GUCY2F: variants seen among roughly 807,000 people sequenced by gnomAD.
GUCY2F encodes guanylate cyclase 2F, retinal.
Under a neutral mutation model 73.1 loss-of-function variants are expected in GUCY2F, and 61 were observed. The ratio of observed to expected loss-of-function variants is 0.83; its 90% CI spans 0.68 to 1.03. The LOEUF (loss-of-function observed/expected upper bound fraction) is 1.03. Among genes scored for constraint, GUCY2F ranks in the 50% least tolerant of loss-of-function variants. The pLI, the probability that GUCY2F is intolerant of heterozygous loss-of-function variation, is 0.00. For missense variants in GUCY2F, 912 were observed against 854.3 expected, an observed-to-expected ratio of 1.07 and a Z score of -0.84; for synonymous variants, 331 against 307.8, an observed-to-expected ratio of 1.08 and a Z score of -0.79.
rs139586665 is a variant in GUCY2F at position 109,430,378 on chromosome X, T to G, written c.1720A>C (p.Lys574Gln). 233 of 1,103,476 alleles carry G rather than the reference T, an allele frequency of 2.1e-4. No homozygotes were observed. Among genetic ancestry groups the G allele is most frequent in the Non-Finnish European group, 2.8e-4 (224 of 797,771 alleles). 90.9% of individuals were successfully genotyped at this position (1,103,476 alleles called of 1,213,427 possible). A position where few individuals can be genotyped will look rare whatever the true frequency, so the allele number is the denominator to read the frequency against. Reference sequence around the variant, plus strand: ...CCAAAATCTCCAAGGGAGAACTTTTTCAGCCACACCCAATCACCCTAGAAA... The same window carrying G: ...CCAAAATCTCCAAGGGAGAACTTTTGCAGCCACACCCAATCACCCTAGAAA... ...AIYEGDWVWLKKFSLGDFGDL... is the reference protein window; with the variant it reads ...AIYEGDWVWLQKFSLGDFGDL... The change falls in exon 8 of 20, where the codon AAA (lysine) becomes CAA (glutamine). Residue 574 changes from lysine to glutamine, a missense_variant. Coordinates refer to ENST00000218006, the MANE Select transcript of GUCY2F (RefSeq NM_001522.3).
chrX:109,389,003 T>C (rs1290332997), intron 14 of GUCY2F, among the ~76,000 whole-genome samples: 3 of 111,840 alleles, frequency 2.7e-5, no homozygotes, highest in African/African-American at 9.8e-5. Flanking sequence ...TGGGGGAGCA[T>C]CTTAGGAGAA....
intron 3 of GUCY2F, among the ~76,000 whole-genome samples, chrX:109,456,783 T>C (rs1932268830): frequency 8.9e-6 from 1 of 111,930 alleles, no homozygotes; most frequent in Admixed American, 9.4e-5. Flanking sequence ...CTGTAGTTGG[T>C]TTGAGTTCCT....
intron 2 of GUCY2F, among the ~76,000 whole-genome samples, chrX:109,467,233 T>C (rs906742690): frequency 5.4e-5 from 6 of 112,137 alleles, no homozygotes; most frequent in African/African-American, 1.9e-4. Context: ...GACCTCTCAC[T>C]CTCTACATTT....
Position 109,398,532 on chromosome X carries a change from T to C in GUCY2F, c.2275+17A>G. 6 of 1,201,261 alleles carry C rather than the reference T, an allele frequency of 5.0e-6. No individual in the cohort carries two copies. The highest frequency in any genetic ancestry group is 5.6e-6 in the Non-Finnish European group (5 of 888,784). ...TCATGGTGGACCCCTGGGGCCCTTT[T>C]CTCACCTCCCGCTTACCTTGAGCTG... On this transcript the variant is annotated intron_variant, in intron 11 of 19. Transcript: ENST00000218006.
At chrX:109,433,256 C>A (rs751029418) in intron 7 of GUCY2F, among the ~76,000 whole-genome samples, 6 of 112,087 alleles carry the variant, frequency 5.4e-5, no homozygotes, top group African/African-American at 1.9e-4. Context: ...TTAAGTGCCA[C>A]GAGCAGCTAA....
Position 109,398,716 on chromosome X carries a change from T to G in GUCY2F, c.2126-18A>C. On this transcript the variant is annotated intron_variant, in intron 10 of 19. Transcript: ENST00000218006. Reference sequence around the variant, plus strand: ...CAGCAGCTCTAAAAAGAAAGCATTGTGTAATGAATGCAGGGAGGATTAACT... The same window carrying G: ...CAGCAGCTCTAAAAAGAAAGCATTGGGTAATGAATGCAGGGAGGATTAACT... 1 of 1,196,850 alleles carries G rather than the reference T, an allele frequency of 8.4e-7. No individual in the cohort carries two copies. The highest frequency in any genetic ancestry group is 1.1e-6 in the Non-Finnish European group (1 of 883,274).
At chrX:109,383,255 C>G (rs1406384142) in intron 16 of GUCY2F, 1 of 155,388 alleles carries the variant, frequency 6.4e-6, no homozygotes, top group East Asian at 2.6e-4. Flanking sequence ...ATATTCCTAG[C>G]CAGTCCTATG....
Position 109,398,727 on chromosome X carries a change from C to A in GUCY2F, c.2126-29G>T, listed in dbSNP as rs6643438. On this transcript the variant is annotated intron_variant, in intron 10 of 19. Coordinates refer to ENST00000218006, the MANE Select transcript of GUCY2F (RefSeq NM_001522.3). Reference sequence around the variant, plus strand: ...AAAAGAAAGCATTGTGTAATGAATGCAGGGAGGATTAACTGACAATATCTG... The same window carrying A: ...AAAAGAAAGCATTGTGTAATGAATGAAGGGAGGATTAACTGACAATATCTG... The A allele has an allele frequency of 4.9e-4, 580 of 1,178,786 alleles. 5 individuals carry two copies. The African/African-American group carries it at 8.7e-3, about 18-fold the overall frequency.
chrX:109,407,153 G>A (rs1420694772), intron 9 of GUCY2F, among the ~76,000 whole-genome samples: 1 of 112,187 alleles, frequency 8.9e-6, no homozygotes, highest in Non-Finnish European at 1.9e-5. Flanking sequence ...CTCATAGTGA[G>A]ATGAACAATA....
chrX:109,456,828 G>A (rs183318992), intron 3 of GUCY2F, among the ~76,000 whole-genome samples: 1 of 111,720 alleles, frequency 9.0e-6, no homozygotes, highest in Non-Finnish European at 1.9e-5. Flanking sequence ...AAAGGGAATT[G>A]CCTCTTCCCA....
rs908684006 is a variant in GUCY2F at position 109,442,346 on chromosome X, G to A, written c.1570-864C>T. ...GAATTAAAGCAATCCAGAGCTAGCC[G>A]TTACCTTTTGGTATTGTCTAGGAGT... On this transcript the variant is annotated intron_variant, in intron 6 of 19. Coordinates refer to ENST00000218006, the MANE Select transcript of GUCY2F (RefSeq NM_001522.3). Among the ~76,000 whole-genome samples the A allele has an allele frequency of 6.3e-5, 7 of 110,965 alleles. No individual in the cohort carries two copies. In the East Asian group the frequency reaches 1.1e-3, roughly 18 times the overall value.
intron 17 of GUCY2F, among the ~76,000 whole-genome samples, chrX:109,380,813 G>A (rs776957175): frequency 1.8e-4 from 20 of 112,195 alleles, no homozygotes; most frequent in Non-Finnish European, 3.2e-4. Flanking sequence ...TTCAAAAGTG[G>A]CAACCCTTCA....
intron 2 of GUCY2F, among the ~76,000 whole-genome samples, chrX:109,465,963 G>C (rs183678614): frequency 9.0e-6 from 1 of 111,351 alleles, no homozygotes; most frequent in Non-Finnish European, 1.9e-5. Context: ...AAGAGAGGAT[G>C]GGAGATGTTA....
At chrX:109,392,864 T>C (rs1258185279) in intron 13 of GUCY2F, 28 bp downstream of exon 13, 1 of 1,002,457 alleles carries the variant, frequency 1.0e-6, no homozygotes, top group Non-Finnish European at 1.4e-6. Flanking sequence ...GTTATAAGGA[T>C]TCACACTCCT....
chrX:109,382,434 C>A (rs1378108335), intron 16 of GUCY2F, among the ~76,000 whole-genome samples: 1 of 112,047 alleles, frequency 8.9e-6, no homozygotes, highest in African/African-American at 3.2e-5. Flanking sequence ...GCCTCCTAGA[C>A]ACTATCTTAA....
intron 11 of GUCY2F, among the ~76,000 whole-genome samples, chrX:109,398,334 C>T (rs1265887786): frequency 9.0e-6 from 1 of 111,641 alleles, no homozygotes; most frequent in Non-Finnish European, 1.9e-5. Context: ...TTTTACATCA[C>T]AGTCTGAAAA....
chrX:109,392,018 C>T lies in GUCY2F; in HGVS notation c.2674G>A (p.Gly892Ser). The T allele has an allele frequency of 8.3e-7, 1 of 1,208,171 alleles. No homozygotes were observed. The change falls in exon 14 of 20, where the codon GGC (glycine) becomes AGC (serine). Residue 892 changes from glycine (G) to serine (S), a missense_variant. Coordinates refer to ENST00000218006, the MANE Select transcript of GUCY2F (RefSeq NM_001522.3). Reference sequence around the variant, plus strand: ...CTCATGGCTGAAATGGTTGTGAAGCCCACAATGTCGCTGAAGTACAAGGTG... The same window carrying T: ...CTCATGGCTGAAATGGTTGTGAAGCTCACAATGTCGCTGAAGTACAAGGTG... ...LVTLYFSDIV[G>S]FTTISAMSEP... is the part of the protein sequence containing the mutation.
intron 2 of GUCY2F, among the ~76,000 whole-genome samples, chrX:109,468,805 G>A (rs73530253): frequency 0.012 from 1,378 of 112,100 alleles, 15 homozygotes; most frequent in East Asian, 0.054. Context: ...CATGATTAAA[G>A]TAGAAAGCAT....
chrX:109,395,569 C>T (rs1482188208), intron 11 of GUCY2F, 80 bp from the exon 12 acceptor site: 2 of 828,801 alleles, frequency 2.4e-6, no homozygotes, highest in African/African-American at 2.0e-5. Context: ...TGACTTTTAG[C>T]CAAGAAGGGG....
Sources: allele counts gnomAD v4.1 joint callset (sites outside exome capture counted in the v4.1 genomes callset), GRCh38; gene constraint gnomAD v4.1.1; transcripts MANE v1.5; gene names NCBI Gene and HGNC (gene_info 2026-07-23, HGNC 2026-07-21).